DYNC2H1: variants seen among roughly 807,000 people sequenced by gnomAD.
The protein encoded by DYNC2H1 is cytoplasmic dynein 2 heavy chain 1.
Under a neutral mutation model 570.0 loss-of-function variants are expected in DYNC2H1, and 410 were observed. The observed-to-expected ratio is 0.72, with a 90% CI of 0.66 to 0.78. The LOEUF is 0.78. DYNC2H1 is among the 30% of genes least tolerant of loss of function. The probability of loss-of-function intolerance (pLI) is 0.00; values close to 1 mark genes in which losing one functional copy is unlikely to be tolerated. For synonymous variants in DYNC2H1, 1,688 were observed against 1,677.6 expected (o/e 1.01, Z -0.15); for missense variants, 4,865 against 5,046.4 (o/e 0.96, Z 1.09).
At position 103,436,356 on chromosome 11, in the gene DYNC2H1, C is replaced by A. The variant is rs140699243; in HGVS notation, c.12456+324C>A. Among the ~76,000 whole-genome samples, 22 of 151,934 alleles carry A rather than the reference C, an allele frequency of 1.4e-4. No individual in the cohort carries two copies. In the East Asian group the frequency reaches 3.7e-3, roughly 25 times the overall value. ...GTGACTAGTTTGCCTTAGGGAGCTC[C>A]CTATGGGGAGCTGCTTTAAAAAAGT... is the stretch of plus-strand genomic sequence containing the variant. On this transcript the variant is annotated intron_variant, in intron 85 of 88. Transcript: ENST00000375735.
chr11:103,215,583 A>G (rs913638697), intron 54 of DYNC2H1, 138 bp from the exon 55 acceptor site: 1 of 750,664 alleles, frequency 1.3e-6, no homozygotes, highest in Non-Finnish European at 1.9e-6. Context: ...GCAATAAGAA[A>G]AAACCTAAGT....
intron 78 of DYNC2H1, 92 bp downstream of exon 78, chr11:103,307,923 C>T: frequency 5.4e-6 from 3 of 552,272 alleles, no homozygotes; most frequent in Non-Finnish European, 9.1e-6. Context: ...TTATACAGAA[C>T]ACACAACTTC....
At chr11:103,193,332 G>A (rs1862392504) in intron 47 of DYNC2H1, among the ~76,000 whole-genome samples, 1 of 152,136 alleles carries the variant, frequency 6.6e-6, no homozygotes, top group Non-Finnish European at 1.5e-5. Context: ...ATCTTTCTCA[G>A]TCTGAAAATT....
intron 77 of DYNC2H1, among the ~76,000 whole-genome samples, chr11:103,307,201 G>A (rs183307600): frequency 6.6e-6 from 1 of 152,232 alleles, no homozygotes; most frequent in Non-Finnish European, 1.5e-5. Context: ...GTATGGTGAA[G>A]TTTTGAATTT....
In DYNC2H1 at chr11:103,199,535, A is replaced by G; in HGVS notation, c.8088+59A>G. The G allele has an allele frequency of 7.1e-7, 1 of 1,403,612 alleles. No individual in the cohort carries two copies. Among genetic ancestry groups the G allele is most frequent in the Non-Finnish European group, 9.3e-7 (1 of 1,073,582 alleles). The allele number at this position is 1,403,612 out of a possible 1,614,324, so 86.9% of individuals were successfully genotyped here. Reference sequence around the variant, plus strand: ...TTTAAATTACATTGGTTATTACTCTAAACATCTTTAAAGACCTAAAGGTTT... The same window carrying G: ...TTTAAATTACATTGGTTATTACTCTGAACATCTTTAAAGACCTAAAGGTTT... On this transcript the variant is annotated intron_variant, in intron 49 of 88. Transcript: ENST00000375735. This position sits in a 1 kb window ranked among gnomAD's most constrained non-coding sequence, Gnocchi z 4.6.
intron 77 of DYNC2H1, among the ~76,000 whole-genome samples, chr11:103,306,046 C>T (rs754522667): frequency 6.6e-6 from 1 of 151,974 alleles, no homozygotes; most frequent in Non-Finnish European, 1.5e-5. Flanking sequence ...CAAGTAGCTG[C>T]GATTACAGGC....
chr11:103,121,223 T>G, intron 9 of DYNC2H1, 149 bp from the exon 10 acceptor site: 3 of 1,004,536 alleles, frequency 3.0e-6, no homozygotes, highest in Non-Finnish European at 4.1e-6. Flanking sequence ...ATTCGCTGTT[T>G]CATTTGATAC....
intron 70 of DYNC2H1, among the ~76,000 whole-genome samples, chr11:103,262,783 A>G (rs1395046388): frequency 1.3e-5 from 2 of 152,114 alleles, no homozygotes. Context: ...CTATGAAGAA[A>G]CTGCATCAAC....
At chr11:103,373,975 ATCTGT>A (rs1448283204) in intron 83 of DYNC2H1, among the ~76,000 whole-genome samples, 2 of 152,154 alleles carry the variant, frequency 1.3e-5, no homozygotes, top group Non-Finnish European at 2.9e-5. Context: ...GTGACTAAAA[ATCTGT>A]TCTATTTTAT....
rs1419481827 is a variant in DYNC2H1, at chr11:103,239,196, A to G, written c.9819+2657A>G. On this transcript the variant is annotated intron_variant, in intron 63 of 88. Coordinates refer to ENST00000375735, the MANE Select transcript of DYNC2H1 (RefSeq NM_001377.3). The surrounding 1 kb of genome is among the most constrained non-coding windows in gnomAD (Gnocchi z 4.3). The stretch of plus-strand genomic sequence containing the variant: ...TATTGTTATAGACAGTTCAGTGTCA[A>G]ATTGGTTTTAACCACTCAAAATTTC... 1.3e-5 allele frequency among the ~76,000 whole-genome samples: 2 copies of G among 152,130 alleles called. No individual in the cohort carries two copies. The highest frequency in any genetic ancestry group is 2.9e-5 in the Non-Finnish European group (2 of 68,008).
intron 82 of DYNC2H1, among the ~76,000 whole-genome samples, chr11:103,354,117 C>T (rs925534075): frequency 1.4e-5 from 2 of 143,806 alleles, no homozygotes; most frequent in African/African-American, 5.2e-5. Context: ...TTGGAGGTTG[C>T]GATGAGCTGA....
chr11:103,162,832 C>A (rs1251590658), intron 29 of DYNC2H1, among the ~76,000 whole-genome samples, 196 bp from the exon 30 acceptor site: 2 of 151,992 alleles, frequency 1.3e-5, no homozygotes, highest in African/African-American at 2.4e-5. Flanking sequence ...ATTATTTAAA[C>A]TGTTTATTAA....
intron 80 of DYNC2H1, among the ~76,000 whole-genome samples, chr11:103,317,901 AT>A (rs1479100633): frequency 6.6e-6 from 1 of 151,900 alleles, no homozygotes; most frequent in African/African-American, 2.4e-5. Context: ...TTATTTTCTT[AT>A]TTTGTTTCTC....
chr11:103,471,045 A>G (rs4237607), intron 88 of DYNC2H1, among the ~76,000 whole-genome samples: 28,824 of 151,456 alleles, frequency 0.19, 2,722 homozygotes, highest in Admixed American at 0.26. Context: ...GTGTAAAAGC[A>G]TTCCTATTTC....
At chr11:103,381,812 G>A (rs185804375) in intron 83 of DYNC2H1, among the ~76,000 whole-genome samples, 4 of 152,132 alleles carry the variant, frequency 2.6e-5, no homozygotes, top group South Asian at 4.1e-4. Flanking sequence ...AGTGATGTTA[G>A]TGACTATATT....
Position 103,455,174 on chromosome 11 carries a change from C to T in DYNC2H1, c.12457-12C>T, listed in dbSNP as rs759859721. The T allele has an allele frequency of 5.1e-6, 8 of 1,584,056 alleles. No individual in the cohort carries two copies. The highest frequency in any genetic ancestry group is 4.5e-5 in the East Asian group (2 of 44,660). The stretch of plus-strand genomic sequence containing the variant: ...TGTGTGTATTTATATGTTCATATTT[C>T]CCCCCCTCTAGAACTGGGTAGATAA... On this transcript the variant is annotated splice_polypyrimidine_tract_variant and intron_variant, in intron 85 of 88. Transcript: ENST00000375735.
chr11:103,475,432 T>G (rs1945520317), intron 88 of DYNC2H1, among the ~76,000 whole-genome samples: 1 of 152,184 alleles, frequency 6.6e-6, no homozygotes. Context: ...TCATAATAAT[T>G]TAATTCAGTT....
intron 84 of DYNC2H1, among the ~76,000 whole-genome samples, chr11:103,428,619 C>T (rs538153783): frequency 5.3e-5 from 8 of 152,198 alleles, no homozygotes; most frequent in African/African-American, 1.9e-4. Flanking sequence ...AAACTCTGTC[C>T]TATTAAACAA....
At chr11:103,188,239 A>G (rs557124870) in intron 43 of DYNC2H1, among the ~76,000 whole-genome samples, 4 of 152,110 alleles carry the variant, frequency 2.6e-5, no homozygotes, top group African/African-American at 9.6e-5. Flanking sequence ...TTATAATATC[A>G]TTGCATTTTA....
Sources: gnomAD v4.1 joint callset for allele counts (sites outside exome capture counted in the v4.1 genomes callset) on GRCh38, gnomAD v4.1.1 for gene constraint, Gnocchi (gnomAD v3.1) non-coding constraint, MANE v1.5 for transcripts, NCBI Gene and HGNC (gene_info 2026-07-23, HGNC 2026-07-21) for gene names.